The following UBAP2 variants were observed in gnomAD, a reference collection of about 807,000 sequenced individuals.
UBAP2 encodes the protein ubiquitin-associated protein 2.
In UBAP2, 75 loss-of-function variants were observed where a neutral mutation model predicts 139.6. That is an observed-to-expected ratio of 0.54 (90% confidence interval 0.45 to 0.65). The LOEUF (loss-of-function observed/expected upper bound fraction) is 0.65. Ranked by LOEUF, UBAP2 falls within the 30% of genes least tolerant of loss-of-function variation. The pLI is 0.00. For missense variants in UBAP2, 1,368 were observed against 1,369.6 expected, an observed-to-expected ratio of 1.00 and a Z score of 0.02; for synonymous variants, 526 against 526.2, an observed-to-expected ratio of 1.00 and a Z score of 0.01.
intron 2 of UBAP2, among the ~76,000 whole-genome samples, chr9:34,012,293 G>A (rs1472203060): frequency 6.6e-6 from 1 of 152,160 alleles, no homozygotes; most frequent in Non-Finnish European, 1.5e-5. Flanking sequence ...CACTTTGGGA[G>A]GTCAAGGCAG....
At chr9:33,969,299 A>AATT (rs1302366645) in intron 8 of UBAP2, among the ~76,000 whole-genome samples, 1 of 152,204 alleles carries the variant, frequency 6.6e-6, no homozygotes, top group East Asian at 1.9e-4. Flanking sequence ...TCATGTCAAT[A>AATT]ATCCTAGCAC....
chr9:33,932,804 C>T (rs60061666), intron 18 of UBAP2, among the ~76,000 whole-genome samples, 176 bp from the exon 19 acceptor site: 1,782 of 152,278 alleles, frequency 0.012, 34 homozygotes, highest in African/African-American at 0.04. Context: ...TCCTGGTGGA[C>T]GGGAATGACT....
intron 16 of UBAP2, among the ~76,000 whole-genome samples, chr9:33,937,780 G>A (rs1824704765): frequency 6.7e-6 from 1 of 149,818 alleles, no homozygotes; most frequent in African/African-American, 2.5e-5. Flanking sequence ...AAATTAGCCA[G>A]GTGTGGTGGT....
chr9:33,950,752 A>T (rs1335634095), intron 12 of UBAP2, among the ~76,000 whole-genome samples: 1 of 152,232 alleles, frequency 6.6e-6, no homozygotes, highest in African/African-American at 2.4e-5. Flanking sequence ...TAGTTTTATC[A>T]AATGCACTAT....
At chr9:33,977,254 G>A (rs1024757038) in intron 6 of UBAP2, among the ~76,000 whole-genome samples, 1 of 151,774 alleles carries the variant, frequency 6.6e-6, no homozygotes, top group African/African-American at 2.4e-5. Flanking sequence ...GGCCAGGCTG[G>A]TCTCAAACTC....
intron 1 of UBAP2, among the ~76,000 whole-genome samples, chr9:34,029,421 C>T (rs1347388148): frequency 6.6e-6 from 1 of 151,422 alleles, no homozygotes; most frequent in Non-Finnish European, 1.5e-5. Context: ...CCCAGCTACT[C>T]GGGAGGCTGA....
chr9:33,977,533 CTT>C (rs1273025614), intron 6 of UBAP2, among the ~76,000 whole-genome samples: 1 of 152,052 alleles, frequency 6.6e-6, no homozygotes, highest in Admixed American at 6.6e-5. Context: ...GATCCAGAGT[CTT>C]TTAATCACAA....
intron 17 of UBAP2, 102 bp downstream of exon 17, chr9:33,935,737 T>C (rs1304831644): frequency 7.4e-7 from 1 of 1,350,080 alleles, no homozygotes; most frequent in South Asian, 1.2e-5. Context: ...TTTTAACGAA[T>C]AAGCCATTGA....
chr9:34,048,538 G>C (rs1246275939), intron 1 of UBAP2, among the ~76,000 whole-genome samples: 1 of 152,194 alleles, frequency 6.6e-6, no homozygotes, highest in Non-Finnish European at 1.5e-5. Flanking sequence ...CCCGAAAGGG[G>C]GGAGGGGAGG....
At position 33,989,080 on chromosome 9, in the gene UBAP2, T is replaced by C; in HGVS notation, c.335A>G (p.Glu112Gly). The stretch of plus-strand genomic sequence containing the variant: ...TCTATTCTCTTTGTTTTCTGAATTT[T>C]CTTTTGCAAAATTCTTTTTCTTACA... ...VGCKKKNFAK[E>G]NSENKENREK... The change falls in exon 5 of 29, where the codon GAA (glutamate) becomes GGA (glycine). Residue 112 changes from glutamate to glycine, a missense_variant. Glu to Gly is a moderately conservative substitution (Grantham distance 98, BLOSUM62 -2). Transcript: ENST00000379238. 2 of 1,614,094 alleles carry C rather than the reference T, an allele frequency of 1.2e-6. No homozygotes were observed. The highest frequency in any genetic ancestry group is 1.7e-6 in the Non-Finnish European group (2 of 1,180,002).
At chr9:33,959,388 G>T (rs1826839846) in intron 10 of UBAP2, among the ~76,000 whole-genome samples, 1 of 152,142 alleles carries the variant, frequency 6.6e-6, no homozygotes, top group Non-Finnish European at 1.5e-5. Context: ...TGGAGACAGA[G>T]AAAAAGACAG....
intron 16 of UBAP2, among the ~76,000 whole-genome samples, chr9:33,939,915 GAGAAGA>G (rs1240113052): frequency 5.0e-5 from 3 of 59,910 alleles, no homozygotes; most frequent in Non-Finnish European, 6.7e-5. Context: ...GGATGGGGAG[GAGAAGA>G]AGAGGAGAAG....
At chr9:34,020,824 T>G (rs1824877282) in intron 1 of UBAP2, among the ~76,000 whole-genome samples, 1 of 146,700 alleles carries the variant, frequency 6.8e-6, no homozygotes, top group Admixed American at 6.8e-5. Context: ...CAAGCCCAGC[T>G]AATTTTTTTG....
At position 33,922,717 on chromosome 9, in the gene UBAP2, C is replaced by T; in HGVS notation, c.3234G>A (p.Leu1078=). Residue 1078 remains leucine (L), a synonymous_variant, in exon 28 of 29, where the codon CTG becomes CTA. Coordinates refer to ENST00000379238, the MANE Select transcript of UBAP2 (RefSeq NM_001370062.2). ...LPAHQQPHSQ[L]LHHHLPQDAQ... is the part of the protein sequence containing the mutation. The stretch of plus-strand genomic sequence containing the variant: ...CATCCTGCGGAAGGTGGTGGTGCAG[C>T]AGCTGTGAGTGGGGCTGCTGGTGGG... 1 of 1,550,750 alleles carries T rather than the reference C, an allele frequency of 6.4e-7. No individual in the cohort carries two copies. Among genetic ancestry groups the T allele is most frequent in the South Asian group, 1.3e-5 (1 of 79,822 alleles).
chr9:33,989,466 G>A (rs960053450), intron 4 of UBAP2, among the ~76,000 whole-genome samples: 2 of 152,116 alleles, frequency 1.3e-5, no homozygotes, highest in African/African-American at 4.8e-5. Flanking sequence ...CTCCCAAAGT[G>A]CTGGGATTAC....
chr9:33,964,209 G>A (rs1273824077), intron 8 of UBAP2, among the ~76,000 whole-genome samples: 1 of 152,114 alleles, frequency 6.6e-6, no homozygotes, highest in Admixed American at 6.6e-5. Flanking sequence ...TTGGGTTTCT[G>A]AGCCTATAAG....
intron 20 of UBAP2, 125 bp from the exon 21 acceptor site, chr9:33,927,205 G>A (rs914584690): frequency 1.5e-5 from 10 of 665,608 alleles, no homozygotes; most frequent in Admixed American, 2.9e-5. Flanking sequence ...GGCAGTGGCC[G>A]AATGAGGCAG....
rs201917526 is a variant in UBAP2 at position 34,001,965 on chromosome 9, TA to T, written c.100-3102del. Reference sequence around the variant, plus strand: ...GTATTTGGTATTTATATTTTTTCATTAAAAAAAAAAAACAAAAAAACAGGGT... The same window carrying T: ...GTATTTGGTATTTATATTTTTTCATTAAAAAAAAAAACAAAAAAACAGGGT... On this transcript the variant is annotated intron_variant, in intron 2 of 28. Transcript: ENST00000379238. Among the ~76,000 whole-genome samples the T allele has an allele frequency of 8.3e-3, 1,181 of 142,626 alleles. 7 individuals are homozygous for T. Among genetic ancestry groups the T allele is most frequent in the Non-Finnish European group, 0.012 (770 of 65,012 alleles). The allele number at this position is 142,626 out of a possible 152,430, so 93.6% of individuals were successfully genotyped here.
intron 6 of UBAP2, 86 bp from the exon 7 acceptor site, chr9:33,973,323 C>CA: frequency 7.1e-7 from 1 of 1,402,962 alleles, no homozygotes; most frequent in Non-Finnish European, 1.0e-6. Context: ...ACTCACTACC[C>CA]AGACAATATT....
Sources: allele counts gnomAD v4.1 joint callset (sites outside exome capture counted in the v4.1 genomes callset), GRCh38; gene constraint gnomAD v4.1.1; transcripts MANE v1.5; gene names NCBI Gene and HGNC (gene_info 2026-07-23, HGNC 2026-07-21).